ADAMTSL1: variants seen among roughly 807,000 people sequenced by gnomAD.
The protein encoded by ADAMTSL1 is ADAMTS like 1.
In ADAMTSL1, 126 loss-of-function variants were observed where a neutral mutation model predicts 201.8. The ratio of observed to expected loss-of-function variants is 0.62; its 90% confidence interval spans 0.54 to 0.72. The LOEUF is 0.72. ADAMTSL1 is among the 30% of genes least tolerant of loss of function. ADAMTSL1 has a pLI of 0.00. For missense variants in ADAMTSL1, 2,679 were observed against 2,277.8 expected, an observed-to-expected ratio of 1.18 and a Z score of -3.59; for synonymous variants, 1,121 against 903.4, an observed-to-expected ratio of 1.24 and a Z score of -4.32.
chr9:18,672,969 A>G (rs1039277997), intron 9 of ADAMTSL1, among the ~76,000 whole-genome samples: 2 of 152,218 alleles, frequency 1.3e-5, no homozygotes, highest in Admixed American at 6.5e-5. Context: ...AAACAATGTA[A>G]GAACTGTGTG....
chr9:18,347,848 G>A (rs1183624719), intron 2 of ADAMTSL1, among the ~76,000 whole-genome samples: 1 of 152,162 alleles, frequency 6.6e-6, no homozygotes, highest in East Asian at 1.9e-4. Flanking sequence ...TCAAAGGTAG[G>A]CAGGCAGACA....
chr9:18,001,031 T>C (rs1819592116), intron 1 of ADAMTSL1, among the ~76,000 whole-genome samples: 1 of 151,952 alleles, frequency 6.6e-6, no homozygotes, highest in Admixed American at 6.6e-5. Context: ...GGAAGTTAGT[T>C]TCTAAAAGGA....
intron 1 of ADAMTSL1, among the ~76,000 whole-genome samples, chr9:17,976,301 A>T (rs752036979): frequency 3.3e-5 from 5 of 151,916 alleles, no homozygotes; most frequent in Admixed American, 2.0e-4. Flanking sequence ...TTACATCTGT[A>T]TATCATTTTG....
chr9:18,015,784 T>A (rs1038566507), intron 1 of ADAMTSL1, among the ~76,000 whole-genome samples: 1 of 152,008 alleles, frequency 6.6e-6, no homozygotes, highest in Non-Finnish European at 1.5e-5. Flanking sequence ...TCAAAAAATA[T>A]GCCTGGATCC....
chr9:18,682,000 G>A (rs371792554), intron 12 of ADAMTSL1, 41 bp downstream of exon 12: 572 of 1,606,860 alleles, frequency 3.6e-4, no homozygotes, highest in Non-Finnish European at 4.4e-4. Flanking sequence ...GTTAATTGTT[G>A]TGTGTAGTCA....
intron 2 of ADAMTSL1, among the ~76,000 whole-genome samples, chr9:18,441,268 C>G (rs1428300001): frequency 6.6e-6 from 1 of 152,082 alleles, no homozygotes; most frequent in Non-Finnish European, 1.5e-5. Flanking sequence ...GCATTGTACA[C>G]TTTAATTCAC....
chr9:18,414,723 A>G (rs28550568), intron 2 of ADAMTSL1, among the ~76,000 whole-genome samples: 16,896 of 152,218 alleles, frequency 0.11, 996 homozygotes, highest in Middle Eastern at 0.15. Context: ...TGTACAACAG[A>G]GTACCAACAA....
chr9:18,345,225 T>C (rs1835651795), intron 2 of ADAMTSL1, among the ~76,000 whole-genome samples: 1 of 152,080 alleles, frequency 6.6e-6, no homozygotes, highest in Non-Finnish European at 1.5e-5. Context: ...CCTTTTCCTG[T>C]TTAGAAAAAA....
intron 1 of ADAMTSL1, among the ~76,000 whole-genome samples, chr9:18,132,919 G>C (rs192485548): frequency 7.9e-5 from 12 of 152,106 alleles, no homozygotes; most frequent in Admixed American, 7.2e-4. Flanking sequence ...ATTTGCCAAG[G>C]ATTACGGAGA....
intron 2 of ADAMTSL1, among the ~76,000 whole-genome samples, chr9:18,210,178 C>A (rs1829808922): frequency 6.6e-6 from 1 of 151,694 alleles, no homozygotes; most frequent in African/African-American, 2.4e-5. Flanking sequence ...CATAGACTTT[C>A]CAGCTAATAC....
intron 10 of ADAMTSL1, among the ~76,000 whole-genome samples, chr9:18,678,256 A>G (rs550096343): frequency 1.6e-4 from 24 of 152,266 alleles, no homozygotes; most frequent in Admixed American, 7.2e-4. Flanking sequence ...AATTCATTCA[A>G]TGTTCTCCAG....
At chr9:18,275,129 A>G (rs1247091498) in intron 2 of ADAMTSL1, among the ~76,000 whole-genome samples, 1 of 152,170 alleles carries the variant, frequency 6.6e-6, no homozygotes, top group Admixed American at 6.5e-5. Context: ...AAAGAGCCAT[A>G]CAATTCAATT....
intron 2 of ADAMTSL1, among the ~76,000 whole-genome samples, chr9:18,181,078 G>T (rs537298944): frequency 1.9e-3 from 293 of 152,262 alleles, no homozygotes; most frequent in Non-Finnish European, 3.2e-3. Flanking sequence ...AAACTGGCTA[G>T]CCATATGTAG....
intron 2 of ADAMTSL1, among the ~76,000 whole-genome samples, chr9:18,247,199 C>T (rs1831285552): frequency 1.3e-5 from 2 of 151,912 alleles, no homozygotes; most frequent in African/African-American, 4.8e-5. Context: ...CAATATTATC[C>T]CATGTCCTAA....
chr9:18,655,361 A>C (rs1828559390), intron 7 of ADAMTSL1, among the ~76,000 whole-genome samples: 1 of 152,170 alleles, frequency 6.6e-6, no homozygotes, highest in Non-Finnish European at 1.5e-5. Flanking sequence ...CATTATGTTG[A>C]ATTAGAAACA....
intron 2 of ADAMTSL1, among the ~76,000 whole-genome samples, chr9:18,230,813 C>G (rs1830620615): frequency 6.6e-6 from 1 of 152,054 alleles, no homozygotes; most frequent in African/African-American, 2.4e-5. Flanking sequence ...AATTTTTAGG[C>G]ACCAGATGTT....
At chr9:18,066,666 A>G (rs1401116908) in intron 1 of ADAMTSL1, among the ~76,000 whole-genome samples, 1 of 152,154 alleles carries the variant, frequency 6.6e-6, no homozygotes, top group African/African-American at 2.4e-5. Flanking sequence ...TGAAATTTAA[A>G]CAGAATTTTA....
At chr9:18,644,612 C>G (rs552563591) in intron 7 of ADAMTSL1, among the ~76,000 whole-genome samples, 3 of 151,686 alleles carry the variant, frequency 2.0e-5, no homozygotes, top group Non-Finnish European at 4.4e-5. Context: ...TGTTCAATTC[C>G]CATCTATGAG....
chr9:18,659,271 T>C (rs911923563), intron 8 of ADAMTSL1, among the ~76,000 whole-genome samples: 3 of 152,170 alleles, frequency 2.0e-5, no homozygotes, highest in African/African-American at 7.2e-5. Context: ...CATCTTTACC[T>C]ATGTTGTTTC....
Sources: gnomAD v4.1 joint callset for allele counts (sites outside exome capture counted in the v4.1 genomes callset) on GRCh38, gnomAD v4.1.1 for gene constraint, MANE v1.5 for transcripts, NCBI Gene and HGNC (gene_info 2026-07-23, HGNC 2026-07-21) for gene names.